ABCC1: variants seen among roughly 807,000 people sequenced by gnomAD.
The protein encoded by ABCC1 is multidrug resistance-associated protein 1.
In ABCC1, 83 loss-of-function variants were observed where a neutral mutation model predicts 172.9. The ratio of observed to expected loss-of-function variants is 0.48; its 90% CI spans 0.40 to 0.58. ABCC1 has a LOEUF of 0.58. Ranked by LOEUF, ABCC1 falls within the 20% of genes least tolerant of loss-of-function variation. ABCC1 has a pLI of 0.00. For synonymous variants in ABCC1, 937 were observed against 825.2 expected (o/e 1.14, Z -2.32); for missense variants, 1,817 against 2,002.7 (o/e 0.91, Z 1.77).
chr16:16,071,806 C>G lies in ABCC1; in HGVS notation c.1912+77C>G, dbSNP rs1258851111. Reference sequence around the variant, plus strand: ...CACTGGGTCCTCCCTACTTGCATTTCTTTCCCTTGGCTGCCCTCAGGTTTG... The same window carrying G: ...CACTGGGTCCTCCCTACTTGCATTTGTTTCCCTTGGCTGCCCTCAGGTTTG... On this transcript the variant is annotated intron_variant, in intron 14 of 30. Transcript: ENST00000399410. 5.5e-5 allele frequency: 74 copies of G among 1,343,116 alleles called. No individual in the cohort carries two copies. In the East Asian group the frequency reaches 1.8e-3, roughly 33 times the overall value. The allele number at this position is 1,343,116 out of a possible 1,614,324, so 83.2% of individuals were successfully genotyped here.
At chr16:15,980,670 G>C (rs1185498292) in intron 1 of ABCC1, among the ~76,000 whole-genome samples, 2 of 152,152 alleles carry the variant, frequency 1.3e-5, no homozygotes, top group African/African-American at 2.4e-5. Flanking sequence ...TACAATTCAA[G>C]ATAAGATTTG....
Position 16,052,823 on chromosome 16 carries a change from C to G in ABCC1, c.1473+7C>G, listed in dbSNP as rs748023222. On this transcript the variant is annotated splice_region_variant and intron_variant, in intron 11 of 30. Coordinates refer to ENST00000399410, the MANE Select transcript of ABCC1 (RefSeq NM_004996.4). ...GAAGACCAAGACGTATCAGGTAAGG[C>G]ATGTGTCTCTGCGGGCCCCCAAGCC... 6.2e-7 allele frequency: 1 copy of G among 1,614,054 alleles called. No individual in the cohort carries two copies. The highest frequency in any genetic ancestry group is 1.3e-5 in the African/African-American group (1 of 75,054).
chr16:15,954,831 CT>C (rs1029271037), intron 1 of ABCC1, among the ~76,000 whole-genome samples: 1 of 152,212 alleles, frequency 6.6e-6, no homozygotes, highest in African/African-American at 2.4e-5. Context: ...GTGGACACAA[CT>C]TTTAGGAACT....
At chr16:16,009,694 C>T in intron 2 of ABCC1, 82 bp from the exon 3 acceptor site, 1 of 1,408,882 alleles carries the variant, frequency 7.1e-7, no homozygotes, top group East Asian at 2.6e-5. Context: ...TTCTCCTATC[C>T]CTGGGGCTGA....
At chr16:16,043,266 C>T (rs1031181405) in intron 7 of ABCC1, among the ~76,000 whole-genome samples, 16 of 120,040 alleles carry the variant, frequency 1.3e-4, no homozygotes, top group African/African-American at 5.0e-4. Context: ...ATATGCCTAT[C>T]CCTTTACCTG....
At chr16:16,033,398 A>G (rs550942334) in intron 6 of ABCC1, among the ~76,000 whole-genome samples, 1 of 152,242 alleles carries the variant, frequency 6.6e-6, no homozygotes, top group Admixed American at 6.5e-5. Context: ...AGCAGCTGAC[A>G]CCTCTGCAGA....
chr16:16,079,745 A>C (rs1188434953), intron 16 of ABCC1, among the ~76,000 whole-genome samples: 1 of 151,866 alleles, frequency 6.6e-6, no homozygotes, highest in African/African-American at 2.4e-5. Flanking sequence ...TATAGTAGGC[A>C]CTTAATAAAT....
chr16:16,074,798 C>CCT (rs1215185968), intron 14 of ABCC1, among the ~76,000 whole-genome samples: 1 of 152,154 alleles, frequency 6.6e-6, no homozygotes, highest in African/African-American at 2.4e-5. Context: ...CCAGCACCTT[C>CCT]CTCTCTCTCT....
intron 5 of ABCC1, among the ~76,000 whole-genome samples, chr16:16,030,913 C>T (rs537496112): frequency 5.3e-5 from 8 of 152,096 alleles, no homozygotes; most frequent in African/African-American, 1.2e-4. Flanking sequence ...TGTAGTGGCA[C>T]GATCTCAGCT....
Position 16,004,637 on chromosome 16 carries a change from T to C in ABCC1, c.49-3179T>C, listed in dbSNP as rs529616707. Among the ~76,000 whole-genome samples the C allele has an allele frequency of 1.1e-3, 160 of 150,756 alleles. 1 individual carries two copies. The highest frequency in any genetic ancestry group is 3.8e-3 in the African/African-American group (155 of 41,232). On this transcript the variant is annotated intron_variant, in intron 1 of 30. Coordinates refer to ENST00000399410, the MANE Select transcript of ABCC1 (RefSeq NM_004996.4). ...TTTCCTGGCTAAATCTCTTTGTATG[T>C]GTTGGCCTTGTAAGGTTTACTTTTT...
In ABCC1 at chr16:16,134,429, G is replaced by A. The variant is rs2045834690; in HGVS notation, c.4046G>A (p.Gly1349Glu). The A allele has an allele frequency of 6.8e-6, 11 of 1,614,028 alleles. No homozygotes were observed. Among genetic ancestry groups the A allele is most frequent in the Non-Finnish European group, 8.5e-6 (10 of 1,180,042 alleles). The change falls in exon 28 of 31, where the codon GGA becomes GAA. Residue 1349 changes from glycine to glutamate, a missense_variant. This residue lies in a region of ABCC1 where 1,412 missense variants were observed against 1,600.3 expected (regional missense o/e 0.88). Transcript: ENST00000399410. ...TTTCGGATCAACGAGTCTGCCGAAG[G>A]AGAGATCATCATCGATGGCATCAAC... ...GLFRINESAE[G>E]EIIIDGINIA...
At chr16:16,123,882 T>C (rs1017018398) in intron 24 of ABCC1, among the ~76,000 whole-genome samples, 2 of 151,740 alleles carry the variant, frequency 1.3e-5, no homozygotes, top group African/African-American at 4.8e-5. Flanking sequence ...TTGCCAGGTG[T>C]GGTGGCATGG....
In ABCC1 at chr16:15,957,459, C is replaced by G. The variant is rs1567272961; in HGVS notation, c.48+7660C>G. Among the ~76,000 whole-genome samples the G allele has an allele frequency of 2.6e-5, 4 of 152,222 alleles. No homozygotes were observed. In the East Asian group the frequency reaches 7.7e-4, roughly 29 times the overall value. ...CCCCTCTTTTCCCAGGACTCAGTGT[C>G]TCACACACAGTGGGGGCTCAATCAA... On this transcript the variant is annotated intron_variant, in intron 1 of 30. Transcript: ENST00000399410.
At chr16:16,047,157 C>T (rs1351872295) in intron 9 of ABCC1, among the ~76,000 whole-genome samples, 1 of 151,866 alleles carries the variant, frequency 6.6e-6, no homozygotes, top group Non-Finnish European at 1.5e-5. Flanking sequence ...CTGATAGCAT[C>T]CCTGCATTCC....
Position 16,099,957 on chromosome 16 carries a change from A to G in ABCC1, c.2645-2670A>G, listed in dbSNP as rs2051652763. 2.0e-5 allele frequency among the ~76,000 whole-genome samples: 3 copies of G among 152,098 alleles called. 1 individual carries two copies. The highest frequency in any genetic ancestry group is 4.1e-4 in the South Asian group (2 of 4,824). ...AAGAATTAGCCAGGCACGGTGGTGC[A>G]TGCCTGTAATCCCAGCTTCCTGGGA... is the stretch of plus-strand genomic sequence containing the variant. On this transcript the variant is annotated intron_variant, in intron 19 of 30. Coordinates refer to ENST00000399410, the MANE Select transcript of ABCC1 (RefSeq NM_004996.4).
rs774876181 is a variant in ABCC1, at chr16:16,087,371, C to CA, written c.2460+381dup. ...TAGAGGGGTCGGAAAATTGCCACAA[C>CA]ACCTTAACATAATAGGAAATAGTTC... On this transcript the variant is annotated intron_variant, in intron 18 of 30. Coordinates refer to ENST00000399410, the MANE Select transcript of ABCC1 (RefSeq NM_004996.4). Among the ~76,000 whole-genome samples the CA allele has an allele frequency of 3.9e-5, 6 of 152,200 alleles. No homozygotes were observed. The South Asian group carries it at 6.2e-4, about 16-fold the overall frequency.
Position 16,094,434 on chromosome 16 carries a change from A to G in ABCC1, c.2644+3846A>G, listed in dbSNP as rs536223964. 3.3e-5 allele frequency: 6 copies of G among 180,204 alleles called. No individual in the cohort carries two copies. The East Asian group carries it at 7.5e-4, about 23-fold the overall frequency. 11.2% of individuals were successfully genotyped at this position (180,204 alleles called of 1,614,324 possible). A position where few individuals can be genotyped will look rare whatever the true frequency, so the allele number is the denominator to read the frequency against. Reference sequence around the variant, plus strand: ...TCAGAATGGTACATGTTGTTTCTGTAAAGTGGCATCTTTCTGATACTTTGT... The same window carrying G: ...TCAGAATGGTACATGTTGTTTCTGTGAAGTGGCATCTTTCTGATACTTTGT... On this transcript the variant is annotated intron_variant, in intron 19 of 30. Coordinates refer to ENST00000399410, the MANE Select transcript of ABCC1 (RefSeq NM_004996.4).
chr16:15,950,240 TGAGCTGGG>T (rs2045837827), intron 1 of ABCC1, among the ~76,000 whole-genome samples: 1 of 151,862 alleles, frequency 6.6e-6, no homozygotes, highest in African/African-American at 2.4e-5. Flanking sequence ...ACCAACGGGG[TGAGCTGGG>T]GAGGGGCTTA....
chr16:15,990,295 C>T (rs2046829343), intron 1 of ABCC1, among the ~76,000 whole-genome samples: 1 of 152,200 alleles, frequency 6.6e-6, no homozygotes, highest in East Asian at 1.9e-4. Context: ...GATCCACCCT[C>T]CTCGGCCTCC....
Sources: gnomAD v4.1 joint callset for allele counts (sites outside exome capture counted in the v4.1 genomes callset) on GRCh38, gnomAD v4.1.1 for gene constraint, gnomAD v4.1.1 regional missense constraint, MANE v1.5 for transcripts, NCBI Gene and HGNC (gene_info 2026-07-23, HGNC 2026-07-21) for gene names.